The following FRMD4A variants were observed in gnomAD, a reference collection of about 807,000 sequenced individuals.
FRMD4A encodes FERM domain containing 4A.
Under a neutral mutation model 129.1 loss-of-function variants are expected in FRMD4A, and 29 were observed. That is an observed-to-expected ratio of 0.22 (90% confidence interval 0.17 to 0.31). The LOEUF (loss-of-function observed/expected upper bound fraction) is 0.31. Among genes scored for constraint, FRMD4A ranks in the 10% least tolerant of loss-of-function variants. The probability of loss-of-function intolerance (pLI) is 1.00; values close to 1 mark genes in which losing one functional copy is unlikely to be tolerated. For missense variants in FRMD4A, 1,272 were observed against 1,375.8 expected, an observed-to-expected ratio of 0.92 and a Z score of 1.19; for synonymous variants, 634 against 571.6, an observed-to-expected ratio of 1.11 and a Z score of -1.56.
At chr10:14,319,553 G>C (rs1382557192) in intron 2 of FRMD4A, among the ~76,000 whole-genome samples, 1 of 152,016 alleles carries the variant, frequency 6.6e-6, no homozygotes, top group Non-Finnish European at 1.5e-5. Flanking sequence ...TCTTCAATGG[G>C]GCCATGCGGC....
rs565590307 is a variant in FRMD4A at position 13,657,327 on chromosome 10, C to T, written c.2262G>A (p.Ser754=). ...GCGCCGGGTAGTAGTGCTCCGAGCTCGAGTGGCTGGTGCACGACGAGCAGT... is the reference window on the plus strand; with the variant it reads ...GCGCCGGGTAGTAGTGCTCCGAGCTTGAGTGGCTGGTGCACGACGAGCAGT... ...MDDCSSCTSH[S]SSEHYYPAQM... Residue 754 remains serine (S), a synonymous_variant, in exon 22 of 25, where the codon TCG becomes TCA. Transcript: ENST00000357447. 7 of 1,612,112 alleles carry T rather than the reference C, an allele frequency of 4.3e-6. No individual in the cohort carries two copies. Among genetic ancestry groups the T allele is most frequent in the African/African-American group, 1.3e-5 (1 of 75,044 alleles).
chr10:13,999,808 A>C (rs1209742144), intron 2 of FRMD4A, among the ~76,000 whole-genome samples: 1 of 152,240 alleles, frequency 6.6e-6, no homozygotes, highest in East Asian at 1.9e-4. Context: ...AAGAGCTAGC[A>C]TCTTAAAATA....
intron 2 of FRMD4A, among the ~76,000 whole-genome samples, chr10:14,201,825 T>C (rs2131940643): frequency 6.6e-6 from 1 of 152,258 alleles, no homozygotes; most frequent in Middle Eastern, 3.4e-3. Flanking sequence ...AGGAAGACCT[T>C]CGTGTCTTTA....
At chr10:14,295,724 G>A (rs1170888021) in intron 2 of FRMD4A, among the ~76,000 whole-genome samples, 2 of 152,124 alleles carry the variant, frequency 1.3e-5, no homozygotes, top group Non-Finnish European at 2.9e-5. Flanking sequence ...TTTGGGAGAG[G>A]GGGAGTTGGC....
intron 2 of FRMD4A, among the ~76,000 whole-genome samples, chr10:14,316,311 G>GTGCTGTTA (rs1277063197): frequency 1.8e-4 from 28 of 152,040 alleles, no homozygotes; most frequent in Non-Finnish European, 5.9e-5. Flanking sequence ...GGGTGGAATT[G>GTGCTGTTA]TGCTGTTATA....
intron 2 of FRMD4A, among the ~76,000 whole-genome samples, chr10:14,037,461 A>C (rs1292979967): frequency 6.6e-6 from 1 of 152,132 alleles, no homozygotes; most frequent in African/African-American, 2.4e-5. Context: ...CATGTGATCC[A>C]CCCACCTTAG....
intron 2 of FRMD4A, among the ~76,000 whole-genome samples, chr10:14,047,240 C>A (rs965817708): frequency 6.6e-6 from 1 of 152,114 alleles, no homozygotes; most frequent in Non-Finnish European, 1.5e-5. Context: ...GATGGTCTTG[C>A]TTGGTGGAAA....
At chr10:13,877,638 C>T (rs2094501686) in intron 2 of FRMD4A, among the ~76,000 whole-genome samples, 1 of 152,260 alleles carries the variant, frequency 6.6e-6, no homozygotes, top group Non-Finnish European at 1.5e-5. Context: ...AGCAGTCCAT[C>T]TGGGCTAGAG....
chr10:13,778,236 T>TA (rs948692537), intron 6 of FRMD4A, among the ~76,000 whole-genome samples: 36 of 151,932 alleles, frequency 2.4e-4, no homozygotes, highest in African/African-American at 7.5e-4. Context: ...CACATTTATT[T>TA]AAAAAAAAAA....
At chr10:13,946,789 T>C (rs1291336463) in intron 2 of FRMD4A, among the ~76,000 whole-genome samples, 3 of 146,586 alleles carry the variant, frequency 2.0e-5, no homozygotes, top group Admixed American at 6.9e-5. Flanking sequence ...TCTGTCTGTG[T>C]GTCTGTCTGT....
At position 13,918,424 on chromosome 10, in the gene FRMD4A, C is replaced by CATTT. The variant is rs35115927; in HGVS notation, c.46-59516_46-59513dup. Among the ~76,000 whole-genome samples the CATTT allele has an allele frequency of 1.2e-3, 180 of 152,056 alleles. 1 individual carries two copies. Among genetic ancestry groups the CATTT allele is most frequent in the Middle Eastern group, 3.4e-3 (1 of 294 alleles). On this transcript the variant is annotated intron_variant, in intron 2 of 24. Coordinates refer to ENST00000357447, the MANE Select transcript of FRMD4A (RefSeq NM_018027.5). ...TTCAAAGCAGGATGTTAGAGTGGTT[C>CATTT]ATTTATTTATTTATTTATTTATTCA...
At chr10:13,728,764 GT>G (rs1469478043) in intron 12 of FRMD4A, among the ~76,000 whole-genome samples, 1 of 151,694 alleles carries the variant, frequency 6.6e-6, no homozygotes, top group South Asian at 2.1e-4. Flanking sequence ...TAGAGACGGG[GT>G]TTTATCACGT....
chr10:13,964,791 C>T (rs1034669555), intron 2 of FRMD4A, among the ~76,000 whole-genome samples: 28 of 151,714 alleles, frequency 1.8e-4, no homozygotes, highest in Non-Finnish European at 5.9e-5. Flanking sequence ...TGGGTTCAAG[C>T]GATTCTCCTG....
At chr10:14,143,605 T>TTTG (rs568244806) in intron 2 of FRMD4A, among the ~76,000 whole-genome samples, 21 of 152,202 alleles carry the variant, frequency 1.4e-4, no homozygotes, top group South Asian at 8.3e-4. Context: ...ACAATAGTTT[T>TTTG]TTGTTGTTGT....
chr10:14,278,794 G>A (rs368787720), intron 2 of FRMD4A, among the ~76,000 whole-genome samples: 2 of 152,270 alleles, frequency 1.3e-5, no homozygotes, highest in African/African-American at 2.4e-5. Context: ...ATTTCTTCCT[G>A]TCTGACAAAT....
intron 2 of FRMD4A, among the ~76,000 whole-genome samples, chr10:14,250,140 T>C (rs779923975): frequency 1.1e-4 from 17 of 152,154 alleles, no homozygotes; most frequent in Admixed American, 2.6e-4. Flanking sequence ...GTTGTATTTT[T>C]AGTAGAGATG....
At chr10:13,672,865 A>C (rs765173838) in intron 16 of FRMD4A, among the ~76,000 whole-genome samples, 7 of 152,206 alleles carry the variant, frequency 4.6e-5, no homozygotes, top group Non-Finnish European at 7.3e-5. Flanking sequence ...GGTGGGACTA[A>C]CTATAGGGAA....
chr10:14,187,122 G>A (rs559679832), intron 2 of FRMD4A, among the ~76,000 whole-genome samples: 1 of 132,988 alleles, frequency 7.5e-6, no homozygotes, highest in East Asian at 2.6e-4. Context: ...CTGTCTCAAA[G>A]GAAAGAAGGA....
chr10:13,810,566 C>G (rs1158539560), intron 4 of FRMD4A, among the ~76,000 whole-genome samples: 1 of 152,132 alleles, frequency 6.6e-6, no homozygotes, highest in Non-Finnish European at 1.5e-5. Flanking sequence ...TGAACACAAA[C>G]CTGCTTGATT....
Sources: allele counts gnomAD v4.1 joint callset (sites outside exome capture counted in the v4.1 genomes callset), GRCh38; gene constraint gnomAD v4.1.1; transcripts MANE v1.5; gene names NCBI Gene and HGNC (gene_info 2026-07-23, HGNC 2026-07-21).